The following USP37 variants were observed in gnomAD, a reference collection of about 807,000 sequenced individuals.
The protein encoded by USP37 is ubiquitin carboxyl-terminal hydrolase 37.
A neutral mutation model predicts 124.0 loss-of-function variants in USP37; 27 were observed. That is an observed-to-expected ratio of 0.22 (90% CI 0.16 to 0.30). USP37 has a LOEUF of 0.30. Among genes scored for constraint, USP37 ranks in the 10% least tolerant of loss-of-function variants. USP37 has a pLI of 1.00. For synonymous variants in USP37, 365 were observed against 388.0 expected (o/e 0.94, Z 0.70); for missense variants, 889 against 1,140.4 (o/e 0.78, Z 3.17).
chr2:218,474,511 A>G (rs1574853144), intron 20 of USP37, 119 bp downstream of exon 20: 1 of 1,414,684 alleles, frequency 7.1e-7, no homozygotes, highest in East Asian at 2.3e-5. Flanking sequence ...AGGGTCACAC[A>G]CCACCATGCT....
At chr2:218,511,516 G>GCC (rs1200714054) in intron 10 of USP37, among the ~76,000 whole-genome samples, 1 of 152,106 alleles carries the variant, frequency 6.6e-6, no homozygotes, top group African/African-American at 2.4e-5. Context: ...CACCATGTTA[G>GCC]CCAGGCTGGT....
intron 11 of USP37, among the ~76,000 whole-genome samples, chr2:218,498,951 A>G (rs1689214841): frequency 6.6e-6 from 1 of 152,154 alleles, no homozygotes; most frequent in Non-Finnish European, 1.5e-5. Flanking sequence ...AGGTACTGCC[A>G]AATCTTTTTC....
At chr2:218,527,017 C>T (rs917849071) in intron 10 of USP37, among the ~76,000 whole-genome samples, 2 of 151,564 alleles carry the variant, frequency 1.3e-5, no homozygotes, top group Admixed American at 6.6e-5. Context: ...CTCGATCTCC[C>T]GACCTCGTGA....
intron 1 of USP37, among the ~76,000 whole-genome samples, chr2:218,564,651 TG>T (rs906641096): frequency 2.0e-5 from 3 of 151,882 alleles, no homozygotes; most frequent in Middle Eastern, 3.2e-3. Context: ...AAGGTGGGAG[TG>T]GGGGGTAGAG....
intron 14 of USP37, among the ~76,000 whole-genome samples, chr2:218,493,674 T>C (rs978465812): frequency 3.9e-5 from 6 of 152,172 alleles, no homozygotes; most frequent in African/African-American, 1.4e-4. Context: ...TTTCACCATG[T>C]TGGCCAGGCT....
At chr2:218,470,977 G>C (rs1167599030) in intron 20 of USP37, among the ~76,000 whole-genome samples, 2 of 152,108 alleles carry the variant, frequency 1.3e-5, no homozygotes, top group African/African-American at 4.8e-5. Context: ...GAGGGAGGGA[G>C]AAAAAGAGAG....
intron 1 of USP37, among the ~76,000 whole-genome samples, chr2:218,567,308 T>C (rs1429277462): frequency 6.6e-6 from 1 of 152,192 alleles, no homozygotes; most frequent in Non-Finnish European, 1.5e-5. Flanking sequence ...CTCTATTGGT[T>C]ATTAAACAGC....
In USP37 at chr2:218,523,002, G is replaced by A. The variant is rs187122518; in HGVS notation, c.863+6954C>T. On this transcript the variant is annotated intron_variant, in intron 10 of 25. Coordinates refer to ENST00000258399, the MANE Select transcript of USP37 (RefSeq NM_020935.3). ...AAGAATACAAAAATTGGAGCTGGGCGCGGTGGCTTACGCTTGTAATCCCAG... is the reference window on the plus strand; with the variant it reads ...AAGAATACAAAAATTGGAGCTGGGCACGGTGGCTTACGCTTGTAATCCCAG... Among the ~76,000 whole-genome samples, 788 of 151,922 alleles carry A rather than the reference G, an allele frequency of 5.2e-3. 5 individuals are homozygous for A. The highest frequency in any genetic ancestry group is 9.0e-3 in the Non-Finnish European group (609 of 67,948).
chr2:218,529,969 T>C lies in USP37; in HGVS notation c.850A>G (p.Thr284Ala). ...AGSKEHSSGG[T>A]NLDRTNVSSQ... ...ACCAATGCATACCTGTCTAAGTTAG[T>C]GCCACCAGAAGAGTGTTCCTTGGAT... The change falls in exon 10 of 26, where the codon ACT becomes GCT. Residue 284 changes from threonine (T) to alanine (A), a missense_variant. Thr to Ala is a moderately conservative substitution (Grantham distance 58). This residue lies in a region of USP37 where 374 missense variants were observed against 386.0 expected (regional missense o/e 0.97). Coordinates refer to ENST00000258399, the MANE Select transcript of USP37 (RefSeq NM_020935.3). 2 of 1,612,278 alleles carry C rather than the reference T, an allele frequency of 1.2e-6. No homozygotes were observed. The highest frequency in any genetic ancestry group is 1.7e-6 in the Non-Finnish European group (2 of 1,179,498).
intron 9 of USP37, among the ~76,000 whole-genome samples, chr2:218,531,532 C>T (rs7603816): frequency 0.3 from 45,630 of 152,118 alleles, 7,911 homozygotes; most frequent in Non-Finnish European, 0.39. Flanking sequence ...ACTCAACATC[C>T]ATTCTACAGC....
intron 10 of USP37, among the ~76,000 whole-genome samples, chr2:218,524,916 A>G (rs1470612937): frequency 6.6e-6 from 1 of 152,210 alleles, no homozygotes; most frequent in African/African-American, 2.4e-5. Flanking sequence ...GGCCAGAAGG[A>G]TGTTATTAAT....
chr2:218,457,193 T>C (rs1689745829), intron 23 of USP37, 32 bp from the exon 24 acceptor site: 3 of 1,596,280 alleles, frequency 1.9e-6, no homozygotes, highest in African/African-American at 2.7e-5. Flanking sequence ...AACTTTTAAG[T>C]CTTCATTTGA....
At position 218,464,620 on chromosome 2, in the gene USP37, T is replaced by C. The variant is rs981230859; in HGVS notation, c.2467-1254A>G. ...ACCTACCCATTCATTCTAGGGAGTC[T>C]TGGTAAATTTTTACTAACATGACTT... On this transcript the variant is annotated intron_variant, in intron 21 of 25. Coordinates refer to ENST00000258399, the MANE Select transcript of USP37 (RefSeq NM_020935.3). Among the ~76,000 whole-genome samples the C allele has an allele frequency of 2.0e-5, 3 of 152,302 alleles. No homozygotes were observed. In the Middle Eastern group the frequency reaches 0.01, roughly 518 times the overall value.
At chr2:218,486,077 C>A in intron 15 of USP37, 1 of 207,462 alleles carries the variant, frequency 4.8e-6, no homozygotes. Flanking sequence ...AAGAGTATAT[C>A]CAGATTTTAC....
chr2:218,551,853 C>T (rs867408389), intron 5 of USP37, among the ~76,000 whole-genome samples: 59 of 151,400 alleles, frequency 3.9e-4, no homozygotes, highest in African/African-American at 1.0e-3. Flanking sequence ...AGTGCAGTGG[C>T]GCAATCTCGG....
chr2:218,486,748 CAG>C (rs1275410929), intron 15 of USP37, among the ~76,000 whole-genome samples: 2 of 151,820 alleles, frequency 1.3e-5, no homozygotes, highest in Admixed American at 6.6e-5. Flanking sequence ...TTTTTTGAGA[CAG>C]AGTCTTGCTC....
At chr2:218,504,879 A>G (rs1233116836) in intron 11 of USP37, among the ~76,000 whole-genome samples, 1 of 151,786 alleles carries the variant, frequency 6.6e-6, no homozygotes, top group Non-Finnish European at 1.5e-5. Flanking sequence ...GAGCCATTAC[A>G]CTCAGCCTAT....
chr2:218,554,682 G>C (rs913873202), intron 4 of USP37, among the ~76,000 whole-genome samples: 1 of 151,928 alleles, frequency 6.6e-6, no homozygotes, highest in East Asian at 1.9e-4. Context: ...AGGAAGTGGA[G>C]GCTGCAGTGA....
chr2:218,510,258 T>C (rs1320701586), intron 10 of USP37, 118 bp from the exon 11 acceptor site: 3 of 1,066,902 alleles, frequency 2.8e-6, no homozygotes, highest in African/African-American at 3.2e-5. Flanking sequence ...TAGGGAAATA[T>C]CAGTAATAAT....
Sources: allele counts gnomAD v4.1 joint callset (sites outside exome capture counted in the v4.1 genomes callset), GRCh38; gene constraint gnomAD v4.1.1; regional missense constraint gnomAD v4.1.1; transcripts MANE v1.5; gene names NCBI Gene and HGNC (gene_info 2026-07-23, HGNC 2026-07-21).